Variants in HCK observed in about 807,000 individuals in gnomAD.
HCK encodes tyrosine-protein kinase HCK.
Under a neutral mutation model 70.4 loss-of-function variants are expected in HCK, and 40 were observed. That is an observed-to-expected ratio of 0.57 (90% CI 0.44 to 0.74). The LOEUF (loss-of-function observed/expected upper bound fraction) is 0.74. HCK is among the 30% of genes least tolerant of loss of function. HCK has a pLI of 0.00. For missense variants in HCK, 568 were observed against 697.2 expected, an observed-to-expected ratio of 0.81 and a Z score of 2.09; for synonymous variants, 245 against 263.2, an observed-to-expected ratio of 0.93 and a Z score of 0.67.
chr20:32,087,638 TA>T (rs201935506), intron 9 of HCK, among the ~76,000 whole-genome samples: 3 of 150,284 alleles, frequency 2.0e-5, no homozygotes, highest in Admixed American at 6.6e-5. Context: ...AGCTAATTTC[TA>T]AAAAAATTTT....
chr20:32,101,057 C>T (rs1310059147), intron 12 of HCK, among the ~76,000 whole-genome samples: 1 of 152,192 alleles, frequency 6.6e-6, no homozygotes, highest in Non-Finnish European at 1.5e-5. Context: ...CAAAGACTCT[C>T]CTCTAAGCGG....
intron 12 of HCK, among the ~76,000 whole-genome samples, chr20:32,100,663 C>G (rs1391269537): frequency 6.6e-6 from 1 of 152,176 alleles, no homozygotes; most frequent in Non-Finnish European, 1.5e-5. Context: ...TTGGGGATCA[C>G]AGACATTGAA....
At chr20:32,082,184 A>G (rs565250565) in intron 6 of HCK, among the ~76,000 whole-genome samples, 1 of 152,318 alleles carries the variant, frequency 6.6e-6, no homozygotes, top group African/African-American at 2.4e-5. Context: ...TGATGATATT[A>G]TAAAACCCTT....
intron 1 of HCK, among the ~76,000 whole-genome samples, chr20:32,059,842 G>A (rs1334503339): frequency 6.6e-6 from 1 of 152,094 alleles, no homozygotes. Flanking sequence ...TTAACAAGAA[G>A]GATGCACTAA....
At chr20:32,077,737 G>C (rs929929236) in intron 5 of HCK, among the ~76,000 whole-genome samples, 4 of 152,146 alleles carry the variant, frequency 2.6e-5, no homozygotes, top group Admixed American at 2.6e-4. Flanking sequence ...TGTTGGTCAG[G>C]CTGGTCTCGA....
In HCK at chr20:32,063,992, CTTTTTTTTTTTTTTTTT is replaced by C. The variant is rs58620860; in HGVS notation, c.63-7657_63-7641del. ...TTGAATCACATGCCCATCTCTACTT[CTTTTTTTTTTTTTTTTT>C]TTTTTTTTTTTTGAGATAGAGTCTC... is the stretch of plus-strand genomic sequence containing the variant. On this transcript the variant is annotated intron_variant, in intron 1 of 12. Coordinates refer to ENST00000375852, the MANE Select transcript of HCK (RefSeq NM_002110.5). Among the ~76,000 whole-genome samples the C allele has an allele frequency of 1.5e-4, 8 of 54,210 alleles. 1 individual carries two copies. The highest frequency in any genetic ancestry group is 5.5e-4 in the African/African-American group (7 of 12,614). The allele number at this position is 54,210 out of a possible 152,430, so 35.6% of individuals were successfully genotyped here.
chr20:32,090,043 C>G (rs2045843498), intron 10 of HCK, among the ~76,000 whole-genome samples: 1 of 152,108 alleles, frequency 6.6e-6, no homozygotes, highest in East Asian at 1.9e-4. Flanking sequence ...ATTCAGGGGC[C>G]CAGAGGACAC....
intron 1 of HCK, among the ~76,000 whole-genome samples, chr20:32,064,000 T>A (rs1456622962): frequency 1.6e-5 from 2 of 123,984 alleles, no homozygotes; most frequent in Admixed American, 8.4e-5. Context: ...TTCTTTTTTT[T>A]TTTTTTTTTT....
chr20:32,090,483 T>C (rs987308487), intron 10 of HCK, among the ~76,000 whole-genome samples: 3 of 152,186 alleles, frequency 2.0e-5, no homozygotes, highest in African/African-American at 7.2e-5. Context: ...GCTGCATATA[T>C]ACAAACAGGT....
chr20:32,063,099 G>A (rs2122490619), intron 1 of HCK, among the ~76,000 whole-genome samples: 1 of 152,272 alleles, frequency 6.6e-6, no homozygotes, highest in Middle Eastern at 3.4e-3. Flanking sequence ...CCACTGACTA[G>A]CCGGGGGACC....
chr20:32,083,771 C>T (rs889594688), intron 6 of HCK, 123 bp from the exon 7 acceptor site: 56 of 1,145,768 alleles, frequency 4.9e-5, no homozygotes, highest in African/African-American at 4.6e-4. Flanking sequence ...CTCAGACCCT[C>T]GGGCACTTCT....
chr20:32,068,282 G>A (rs1175350640), intron 1 of HCK, among the ~76,000 whole-genome samples: 1 of 145,862 alleles, frequency 6.9e-6, no homozygotes, highest in Non-Finnish European at 1.5e-5. Context: ...TGGGCAACAA[G>A]AGCAAAACTC....
intron 1 of HCK, among the ~76,000 whole-genome samples, chr20:32,057,312 C>T (rs2045287372): frequency 6.6e-6 from 1 of 152,166 alleles, no homozygotes; most frequent in Non-Finnish European, 1.5e-5. Context: ...AGAAAAGGAA[C>T]ATGAAGGGCT....
chr20:32,054,015 G>T (rs544134151), intron 1 of HCK, among the ~76,000 whole-genome samples: 5 of 151,876 alleles, frequency 3.3e-5, no homozygotes, highest in Admixed American at 3.3e-4. Flanking sequence ...TTTAGGGGAG[G>T]GGGTGACAGG....
chr20:32,074,823 A>C, intron 5 of HCK, 102 bp downstream of exon 5: 1 of 768,434 alleles, frequency 1.3e-6, no homozygotes, highest in Non-Finnish European at 2.3e-6. Flanking sequence ...CCTGGCACAT[A>C]CTCTTCCCAG....
chr20:32,094,707 A>T (rs2045912672), intron 11 of HCK, among the ~76,000 whole-genome samples: 1 of 51,598 alleles, frequency 1.9e-5, no homozygotes, highest in South Asian at 8.9e-4. Context: ...AAGAAAAGAA[A>T]AGAAAGAAAG....
rs202002898 is a variant in HCK, at chr20:32,086,713, C to T, written c.921C>T (p.Asn307=). The change falls in exon 9 of 13, where the codon AAC becomes AAT. Residue 307 remains asparagine (N), a synonymous_variant. Transcript: ENST00000375852. ...TGGAGGCCTTCCTGGCAGAGGCCAA[C>T]GTGATGAAAACTCTGCAGCATGACA... 2.7e-5 allele frequency: 43 copies of T among 1,613,174 alleles called. No homozygotes were observed. The highest frequency in any genetic ancestry group is 2.0e-4 in the East Asian group (9 of 44,834).
At chr20:32,094,785 A>C (rs199988882) in intron 11 of HCK, among the ~76,000 whole-genome samples, 6 of 74,738 alleles carry the variant, frequency 8.0e-5, no homozygotes, top group African/African-American at 4.3e-4. Flanking sequence ...AAGAGAGAGA[A>C]AGAGAAAGAA....
At chr20:32,052,713 G>A (rs1175340570) in intron 1 of HCK, among the ~76,000 whole-genome samples, 1 of 151,838 alleles carries the variant, frequency 6.6e-6, no homozygotes, top group Non-Finnish European at 1.5e-5. Flanking sequence ...GATTCCCGGG[G>A]AAGGGGACGC....
Sources: allele counts gnomAD v4.1 joint callset (sites outside exome capture counted in the v4.1 genomes callset), GRCh38; gene constraint gnomAD v4.1.1; transcripts MANE v1.5; gene names NCBI Gene and HGNC (gene_info 2026-07-23, HGNC 2026-07-21).